The following MYO9A variants were observed in gnomAD, a reference collection of about 807,000 sequenced individuals.
The protein encoded by MYO9A is unconventional myosin-IXa.
A neutral mutation model predicts 293.3 loss-of-function variants in MYO9A; 103 were observed. The ratio of observed to expected loss-of-function variants is 0.35; its 90% CI spans 0.30 to 0.41. The LOEUF (loss-of-function observed/expected upper bound fraction) is 0.41, where lower values mean the gene tolerates loss of function less well. Among genes scored for constraint, MYO9A ranks in the 10% least tolerant of loss-of-function variants. The pLI, the probability that MYO9A is intolerant of heterozygous loss-of-function variation, is 1.00. For missense variants in MYO9A, 2,685 were observed against 3,033.0 expected, an observed-to-expected ratio of 0.89 and a Z score of 2.69; for synonymous variants, 1,001 against 1,035.7, an observed-to-expected ratio of 0.97 and a Z score of 0.64.
intron 28 of MYO9A, among the ~76,000 whole-genome samples, chr15:71,882,698 C>T (rs1371144113): frequency 6.6e-6 from 1 of 152,184 alleles, no homozygotes; most frequent in Admixed American, 6.5e-5. Flanking sequence ...ATAGCAAGTA[C>T]TTAATATACA....
In MYO9A at chr15:71,897,451, T is replaced by C; in HGVS notation, c.5042+10A>G. 6.3e-7 allele frequency: 1 copy of C among 1,582,668 alleles called. No homozygotes were observed. Among genetic ancestry groups the C allele is most frequent in the South Asian group, 1.1e-5 (1 of 87,048 alleles). On this transcript the variant is annotated intron_variant, in intron 25 of 41. Coordinates refer to ENST00000356056, the MANE Select transcript of MYO9A (RefSeq NM_006901.4). ...TTTCCCATTTATACATAAATAAACA[T>C]TTCACTTACAGGGGAATACTCATAT...
At chr15:71,911,196 T>C (rs1477159246) in intron 19 of MYO9A, among the ~76,000 whole-genome samples, 1 of 152,206 alleles carries the variant, frequency 6.6e-6, no homozygotes, top group African/African-American at 2.4e-5. Context: ...AAAAGTAATA[T>C]GTAGCTATTC....
intron 1 of MYO9A, among the ~76,000 whole-genome samples, chr15:72,083,816 T>C (rs999220438): frequency 4.6e-5 from 7 of 152,204 alleles, no homozygotes; most frequent in African/African-American, 1.7e-4. Flanking sequence ...TTTTGAGCAA[T>C]TTTCTTAGAT....
chr15:71,937,427 G>C (rs1480957977), intron 16 of MYO9A, among the ~76,000 whole-genome samples: 1 of 152,088 alleles, frequency 6.6e-6, no homozygotes, highest in African/African-American at 2.4e-5. Flanking sequence ...CAACATCAAG[G>C]AAAGACCCTC....
chr15:72,003,703 CAAAAA>C (rs397738256), intron 8 of MYO9A, among the ~76,000 whole-genome samples: 1 of 86,516 alleles, frequency 1.2e-5, no homozygotes, highest in Non-Finnish European at 2.4e-5. Context: ...GACTCCGTCT[CAAAAA>C]AAAAAAAAAA....
At chr15:71,908,494 G>A (rs1220857482) in intron 19 of MYO9A, among the ~76,000 whole-genome samples, 1 of 152,170 alleles carries the variant, frequency 6.6e-6, no homozygotes, top group African/African-American at 2.4e-5. Context: ...ACTGTTTAGA[G>A]CATTTACATT....
chr15:72,006,439 C>G (rs974980103), intron 8 of MYO9A, among the ~76,000 whole-genome samples: 9 of 152,072 alleles, frequency 5.9e-5, no homozygotes, highest in African/African-American at 2.2e-4. Flanking sequence ...ACAAATCAGT[C>G]TGAAAAATCT....
chr15:71,891,688 G>A (rs952897908), intron 26 of MYO9A: 3 of 152,106 alleles, frequency 2.0e-5, no homozygotes, highest in East Asian at 3.9e-4. Flanking sequence ...CCTACAGTTC[G>A]GCTCAGGTTA....
chr15:72,000,751 C>T (rs1464959823), intron 8 of MYO9A, among the ~76,000 whole-genome samples: 4 of 152,136 alleles, frequency 2.6e-5, no homozygotes, highest in East Asian at 1.9e-4. Context: ...GCAATCCTCC[C>T]GCTTCAGCCT....
intron 28 of MYO9A, among the ~76,000 whole-genome samples, chr15:71,883,021 G>A (rs2056919044): frequency 6.6e-6 from 1 of 151,938 alleles, no homozygotes; most frequent in Non-Finnish European, 1.5e-5. Context: ...CCAGGCTGGT[G>A]TTGAACTCCT....
chr15:71,958,871 T>C (rs1457156440), intron 14 of MYO9A: 3 of 152,196 alleles, frequency 2.0e-5, no homozygotes, highest in Non-Finnish European at 4.4e-5. Flanking sequence ...TCACAAATAA[T>C]AGATTTTAAA....
intron 34 of MYO9A, among the ~76,000 whole-genome samples, chr15:71,858,101 G>A (rs1185581859): frequency 6.6e-6 from 1 of 152,298 alleles, no homozygotes; most frequent in African/African-American, 2.4e-5. Context: ...AAAAAGTCAG[G>A]AAACAACAGG....
At chr15:72,036,779 A>C (rs1041818179) in intron 2 of MYO9A, 1 of 152,614 alleles carries the variant, frequency 6.6e-6, no homozygotes, top group African/African-American at 2.4e-5. Flanking sequence ...CAGTGGTGCT[A>C]TAACAGCTCA....
chr15:71,999,543 G>C (rs1433997918), intron 9 of MYO9A, among the ~76,000 whole-genome samples: 1 of 151,908 alleles, frequency 6.6e-6, no homozygotes, highest in African/African-American at 2.4e-5. Flanking sequence ...TAATTAATTG[G>C]GTCAAATATT....
intron 1 of MYO9A, among the ~76,000 whole-genome samples, chr15:72,070,091 T>C (rs1410927478): frequency 7.3e-6 from 1 of 137,168 alleles, no homozygotes. Flanking sequence ...ATATCTCCAC[T>C]GCACTCCAAC....
At position 71,888,038 on chromosome 15, in the gene MYO9A, C is replaced by G; in HGVS notation, c.5221G>C (p.Ala1741Pro). The G allele has an allele frequency of 6.2e-7, 1 of 1,609,696 alleles. No homozygotes were observed. Among genetic ancestry groups the G allele is most frequent in the Non-Finnish European group, 8.5e-7 (1 of 1,177,174 alleles). The change falls in exon 27 of 42, where the codon GCA becomes CCA. Residue 1741 changes from alanine (A) to proline (P), a missense_variant. Around this residue, in one of 10 missense-constraint regions of MYO9A, gnomAD observed 1,434 missense variants for 1,497.7 expected, o/e 0.96. Coordinates refer to ENST00000356056, the MANE Select transcript of MYO9A (RefSeq NM_006901.4). ...GAATCTGAAGCCTTCTGTCTCACTG[C>G]CAACTTGGTAATCTCTCCTTGAGAC... ...TMSQGEITKL[A>P]VRQKASDSDI...
At chr15:71,906,102 T>G (rs73434331) in intron 19 of MYO9A, among the ~76,000 whole-genome samples, 1 of 152,184 alleles carries the variant, frequency 6.6e-6, no homozygotes, top group East Asian at 1.9e-4. Flanking sequence ...ATGTATTATT[T>G]AGAAGTCGCT....
intron 1 of MYO9A, among the ~76,000 whole-genome samples, chr15:72,087,813 T>C (rs1343641201): frequency 2.0e-5 from 3 of 152,230 alleles, no homozygotes; most frequent in Non-Finnish European, 4.4e-5. Context: ...AAAATTTACC[T>C]TCTATTCTTT....
At chr15:71,988,672 C>T (rs915842008) in intron 11 of MYO9A, among the ~76,000 whole-genome samples, 1 of 152,106 alleles carries the variant, frequency 6.6e-6, no homozygotes, top group African/African-American at 2.4e-5. Context: ...TCTTTTCTCC[C>T]TCTTTTCTGT....
Sources: allele counts gnomAD v4.1 joint callset (sites outside exome capture counted in the v4.1 genomes callset), GRCh38; gene constraint gnomAD v4.1.1; regional missense constraint gnomAD v4.1.1; transcripts MANE v1.5; gene names NCBI Gene and HGNC (gene_info 2026-07-23, HGNC 2026-07-21).